RALGAPA2: variants seen among roughly 807,000 people sequenced by gnomAD.
RALGAPA2 encodes ral GTPase-activating protein subunit alpha-2.
Under a neutral mutation model 230.4 loss-of-function variants are expected in RALGAPA2, and 139 were observed. The ratio of observed to expected loss-of-function variants is 0.60; its 90% confidence interval spans 0.53 to 0.69. The LOEUF (loss-of-function observed/expected upper bound fraction) is 0.69, where lower values mean the gene tolerates loss of function less well. RALGAPA2 is among the 30% of genes least tolerant of loss of function. The pLI, the probability that RALGAPA2 is intolerant of heterozygous loss-of-function variation, is 0.00. For synonymous variants in RALGAPA2, 847 were observed against 837.8 expected (o/e 1.01, Z -0.19); for missense variants, 2,163 against 2,276.0 (o/e 0.95, Z 1.01).
At chr20:20,577,255 GA>G (rs1171585791) in intron 20 of RALGAPA2, among the ~76,000 whole-genome samples, 3 of 151,864 alleles carry the variant, frequency 2.0e-5, no homozygotes, top group African/African-American at 4.8e-5. Context: ...CAAAAGGCAA[GA>G]AAAAAATGAA....
chr20:20,654,774 G>A (rs527666812), intron 3 of RALGAPA2, among the ~76,000 whole-genome samples: 2 of 152,134 alleles, frequency 1.3e-5, no homozygotes, highest in East Asian at 1.9e-4. Context: ...TGGGATTGCT[G>A]GGGCATATGG....
intron 3 of RALGAPA2, among the ~76,000 whole-genome samples, chr20:20,669,726 G>A (rs562505323): frequency 6.6e-6 from 1 of 152,296 alleles, no homozygotes; most frequent in East Asian, 1.9e-4. Context: ...GTGCTTCCCT[G>A]TTTGGCTCTG....
chr20:20,597,520 A>G (rs1243198399), intron 16 of RALGAPA2, among the ~76,000 whole-genome samples: 1 of 152,178 alleles, frequency 6.6e-6, no homozygotes, highest in Non-Finnish European at 1.5e-5. Context: ...TGCTTTGCTA[A>G]AACACAGTAT....
chr20:20,591,369 T>C, intron 16 of RALGAPA2, 55 bp from the exon 17 acceptor site: 1 of 1,549,188 alleles, frequency 6.5e-7, no homozygotes, highest in Non-Finnish European at 8.8e-7. Context: ...AAAAAACACA[T>C]TCACCACTTA....
chr20:20,584,823 T>C (rs748605136), intron 19 of RALGAPA2, 42 bp downstream of exon 19: 2 of 1,363,462 alleles, frequency 1.5e-6, no homozygotes, highest in Non-Finnish European at 2.1e-6. Flanking sequence ...ATAGAACATA[T>C]CAACTCTGTA....
chr20:20,658,753 T>C (rs748469695), intron 3 of RALGAPA2, among the ~76,000 whole-genome samples: 1 of 152,116 alleles, frequency 6.6e-6, no homozygotes, highest in Non-Finnish European at 1.5e-5. Context: ...TAATGTGAAA[T>C]GTAAGCTGGA....
In RALGAPA2 at chr20:20,524,039, C is replaced by T. The variant is rs191537640; in HGVS notation, c.3900+367G>A. Among the ~76,000 whole-genome samples the T allele has an allele frequency of 2.4e-3, 364 of 152,184 alleles. 1 individual carries two copies. The highest frequency in any genetic ancestry group is 8.2e-3 in the African/African-American group (342 of 41,500). ...TGGCGAGATCTCGGCTCACTGCAAA[C>T]TCTGCCTCCCAGGTTCACGCCATTC... On this transcript the variant is annotated intron_variant, in intron 30 of 39. Coordinates refer to ENST00000202677, the MANE Select transcript of RALGAPA2 (RefSeq NM_020343.4).
At chr20:20,548,138 C>T (rs182458821) in intron 23 of RALGAPA2, among the ~76,000 whole-genome samples, 1 of 152,048 alleles carries the variant, frequency 6.6e-6, no homozygotes, top group South Asian at 2.1e-4. Context: ...CACACACACA[C>T]ACACACACAC....
At chr20:20,511,467 A>G in intron 32 of RALGAPA2, 142 bp from the exon 33 acceptor site, 1 of 1,325,572 alleles carries the variant, frequency 7.5e-7, no homozygotes, top group Non-Finnish European at 1.0e-6. Flanking sequence ...AACCTACAGA[A>G]TGAACTCCAT....
In RALGAPA2 at chr20:20,601,829, G is replaced by A; in HGVS notation, c.2056C>T (p.Gln686Ter). The change falls in exon 16 of 40, where the codon CAG becomes TAG. Residue 686 changes from glutamine to a stop codon, truncating the protein, a stop_gained. Coordinates refer to ENST00000202677, the MANE Select transcript of RALGAPA2 (RefSeq NM_020343.4). LOFTEE classifies it high-confidence loss of function. ...QRGKGCVLDP[Q>*]KGTTVGRSFS... ...GACCTCCCCACGGTGGTTCCTTTCT[G>A]AGGATCTAGAACACAGCCTGATAAA... is the stretch of plus-strand genomic sequence containing the variant. The A allele has an allele frequency of 6.2e-7, 1 of 1,607,200 alleles. No homozygotes were observed. Among genetic ancestry groups the A allele is most frequent in the Non-Finnish European group, 8.5e-7 (1 of 1,177,568 alleles).
intron 24 of RALGAPA2, among the ~76,000 whole-genome samples, chr20:20,544,881 G>A (rs532648219): frequency 1.3e-5 from 2 of 151,686 alleles, no homozygotes; most frequent in South Asian, 2.1e-4. Flanking sequence ...GGGGTGGGGG[G>A]CAAGGGGAGG....
In RALGAPA2 at chr20:20,469,961, G is replaced by C. The variant is rs553111910; in HGVS notation, c.5495+2868C>G. 3.7e-4 allele frequency among the ~76,000 whole-genome samples: 56 copies of C among 152,238 alleles called. No homozygotes were observed. The South Asian group carries it at 4.1e-3, about 11-fold the overall frequency. ...GACAAATTTGATTTAGCCTGCAGAG[G>C]ACATCACAGGAGAACCCAGGAGGGA... On this transcript the variant is annotated intron_variant, in intron 37 of 39. Transcript: ENST00000202677.
chr20:20,683,603 T>C (rs1261567491), intron 1 of RALGAPA2, among the ~76,000 whole-genome samples: 6 of 152,214 alleles, frequency 3.9e-5, no homozygotes, highest in Admixed American at 6.5e-5. Flanking sequence ...GTTCAGTGTA[T>C]GAGACAAAGT....
intron 36 of RALGAPA2, among the ~76,000 whole-genome samples, chr20:20,492,454 G>A (rs1370323957): frequency 6.6e-6 from 1 of 152,160 alleles, no homozygotes; most frequent in Non-Finnish European, 1.5e-5. Context: ...TACGGATTTT[G>A]GTGGAGATCC....
chr20:20,532,806 G>A (rs1019895044), intron 26 of RALGAPA2, among the ~76,000 whole-genome samples: 4 of 152,146 alleles, frequency 2.6e-5, no homozygotes, highest in African/African-American at 9.7e-5. Flanking sequence ...TTAGGTAGAG[G>A]AGGAGAGGTC....
intron 16 of RALGAPA2, among the ~76,000 whole-genome samples, chr20:20,596,900 A>C (rs1379749037): frequency 2.6e-5 from 4 of 152,206 alleles, no homozygotes. Context: ...TGCCACTAGC[A>C]CTGTCCCACT....
chr20:20,537,257 A>G (rs2063521134), intron 24 of RALGAPA2, among the ~76,000 whole-genome samples: 1 of 152,210 alleles, frequency 6.6e-6, no homozygotes, highest in Non-Finnish European at 1.5e-5. Context: ...GAAAAAATAT[A>G]ATGAGATACT....
intron 26 of RALGAPA2, 67 bp downstream of exon 26, chr20:20,535,678 T>A: frequency 6.6e-7 from 1 of 1,507,816 alleles, no homozygotes; most frequent in South Asian, 1.3e-5. Flanking sequence ...TTTTGTAACA[T>A]TAACTACTTA....
intron 37 of RALGAPA2, among the ~76,000 whole-genome samples, chr20:20,423,892 G>T (rs1247386726): frequency 6.6e-6 from 1 of 152,202 alleles, no homozygotes; most frequent in Non-Finnish European, 1.5e-5. Context: ...CACTCCTGGA[G>T]AGAAACAGTC....
Sources: gnomAD v4.1 joint callset for allele counts (sites outside exome capture counted in the v4.1 genomes callset) on GRCh38, gnomAD v4.1.1 for gene constraint, MANE v1.5 for transcripts, NCBI Gene and HGNC (gene_info 2026-07-23, HGNC 2026-07-21) for gene names.